The following FAM168B variants were observed in gnomAD, a reference collection of about 807,000 sequenced individuals.
FAM168B encodes the protein myelin-associated neurite-outgrowth inhibitor.
In FAM168B, 19 loss-of-function variants were observed where a neutral mutation model predicts 21.8. The observed-to-expected ratio is 0.87, with a 90% CI of 0.61 to 1.28. The LOEUF is 1.28. FAM168B is among the 50% of genes most tolerant of loss of function. The pLI, the probability that FAM168B is intolerant of heterozygous loss-of-function variation, is 0.00. For missense variants in FAM168B, 233 were observed against 263.1 expected (o/e 0.89, Z 0.79); for synonymous variants, 126 against 104.8 (o/e 1.20, Z -1.24).
chr2:131,050,862 G>C lies in FAM168B; in HGVS notation c.*1603C>G. 6 of 985,474 alleles carry C rather than the reference G, an allele frequency of 6.1e-6. No individual in the cohort carries two copies. Among genetic ancestry groups the C allele is most frequent in the Non-Finnish European group, 7.2e-6 (6 of 830,050 alleles). 61.0% of individuals were successfully genotyped at this position (985,474 alleles called of 1,614,324 possible). On this transcript the variant is annotated 3_prime_UTR_variant, in exon 7 of 7. Transcript: ENST00000389915. ...AGCACTCAAACCACCACTGCACTGG[G>C]AAGAAGACGCACGCTCCTGCCCTAG... is the stretch of plus-strand genomic sequence containing the variant.
intron 3 of FAM168B, among the ~76,000 whole-genome samples, chr2:131,069,991 C>G (rs1048130214): frequency 6.6e-6 from 1 of 151,382 alleles, no homozygotes; most frequent in African/African-American, 2.4e-5. Flanking sequence ...CCCTAGTAGC[C>G]GGGATTACCG....
At chr2:131,077,447 T>C (rs1693214683) in intron 2 of FAM168B, among the ~76,000 whole-genome samples, 1 of 151,886 alleles carries the variant, frequency 6.6e-6, no homozygotes, top group African/African-American at 2.4e-5. Context: ...TGGCCATGAG[T>C]TCGGCAAATG....
intron 2 of FAM168B, among the ~76,000 whole-genome samples, chr2:131,081,128 C>A (rs1262732446): frequency 6.6e-6 from 1 of 152,180 alleles, no homozygotes; most frequent in African/African-American, 2.4e-5. Context: ...TGTTCATATG[C>A]CATTTTGTTT....
chr2:131,071,375 T>C (rs997524598), intron 3 of FAM168B, among the ~76,000 whole-genome samples: 1 of 152,156 alleles, frequency 6.6e-6, no homozygotes, highest in Non-Finnish European at 1.5e-5. Context: ...ACCAATCTCC[T>C]CAAGATTCAG....
chr2:131,092,061 G>A (rs1265022100), intron 1 of FAM168B, among the ~76,000 whole-genome samples: 3 of 150,586 alleles, frequency 2.0e-5, no homozygotes, highest in East Asian at 2.0e-4. Flanking sequence ...AAAGACTGAC[G>A]TGAATCCGGG....
Position 131,055,664 on chromosome 2 carries a change from G to A in FAM168B, c.186C>T (p.Ser62=). ...GYTPGTPYKV[S]CSPTSGAVPP... is the part of the protein sequence containing the mutation. ...GCACAGCCCCGCTGGTGGGGGAACA[G>A]GACACTTTGTAAGGTGTGCCAGGAG... is the stretch of plus-strand genomic sequence containing the variant. Residue 62 remains serine (S), a synonymous_variant, in exon 4 of 7, where the codon TCC becomes TCT. Coordinates refer to ENST00000389915, the MANE Select transcript of FAM168B (RefSeq NM_001009993.4). 1 of 1,613,820 alleles carries A rather than the reference G, an allele frequency of 6.2e-7. No homozygotes were observed. The highest frequency in any genetic ancestry group is 1.1e-5 in the South Asian group (1 of 91,056).
intron 2 of FAM168B, among the ~76,000 whole-genome samples, chr2:131,072,412 C>A (rs1366383372): frequency 6.6e-6 from 1 of 152,090 alleles, no homozygotes; most frequent in African/African-American, 2.4e-5. Context: ...GTGTGAGCCA[C>A]CACGCCTGGC....
In FAM168B at chr2:131,048,315, T is replaced by C; in HGVS notation, c.*4150A>G. ...GATCTGGCCCAGCTGCCTTGCCCAC[T>C]GGTCTGCACAGGGACTCATGGGCAC... On this transcript the variant is annotated 3_prime_UTR_variant, in exon 7 of 7. Coordinates refer to ENST00000389915, the MANE Select transcript of FAM168B (RefSeq NM_001009993.4). The C allele has an allele frequency of 7.7e-7, 1 of 1,304,144 alleles. No individual in the cohort carries two copies. Among genetic ancestry groups the C allele is most frequent in the Non-Finnish European group, 1.0e-6 (1 of 988,904 alleles). 80.8% of individuals were successfully genotyped at this position (1,304,144 alleles called of 1,614,324 possible).
At chr2:131,067,831 A>G (rs1398521543) in intron 3 of FAM168B, among the ~76,000 whole-genome samples, 1 of 152,166 alleles carries the variant, frequency 6.6e-6, no homozygotes, top group Non-Finnish European at 1.5e-5. Flanking sequence ...TTTTATACTG[A>G]TAATTTTGGC....
At chr2:131,067,700 A>T (rs1430536168) in intron 3 of FAM168B, among the ~76,000 whole-genome samples, 1 of 152,096 alleles carries the variant, frequency 6.6e-6, no homozygotes, top group Non-Finnish European at 1.5e-5. Context: ...CAGCCTAGGC[A>T]ACAAAGTGAG....
intron 3 of FAM168B, among the ~76,000 whole-genome samples, chr2:131,066,098 C>A (rs1692542796): frequency 1.3e-5 from 2 of 152,080 alleles, no homozygotes; most frequent in Admixed American, 1.3e-4. Flanking sequence ...CTCCACCCAG[C>A]CATACACACC....
At chr2:131,061,260 C>A (rs1423047322) in intron 3 of FAM168B, among the ~76,000 whole-genome samples, 7 of 145,452 alleles carry the variant, frequency 4.8e-5, no homozygotes, top group Admixed American at 4.7e-4. Flanking sequence ...TTGAGACGAG[C>A]CTAGCCAAGC....
At chr2:131,060,858 T>C (rs1336813998) in intron 3 of FAM168B, among the ~76,000 whole-genome samples, 2 of 147,310 alleles carry the variant, frequency 1.4e-5, no homozygotes, top group African/African-American at 2.5e-5. Context: ...GTATACGTAA[T>C]TTTTTTTTTT....
chr2:131,077,638 G>A (rs1693226050), intron 2 of FAM168B, among the ~76,000 whole-genome samples: 1 of 152,240 alleles, frequency 6.6e-6, no homozygotes, highest in South Asian at 2.1e-4. Context: ...TCAATTCTCA[G>A]CATGGGCAAG....
intron 3 of FAM168B, among the ~76,000 whole-genome samples, chr2:131,067,723 T>TCACACA (rs141270322): frequency 2.0e-5 from 3 of 149,538 alleles, no homozygotes; most frequent in East Asian, 2.0e-4. Context: ...CCTATCACAC[T>TCACACA]CACACACACA....
intron 2 of FAM168B, among the ~76,000 whole-genome samples, chr2:131,076,096 A>T (rs1573798689): frequency 1.3e-5 from 2 of 151,684 alleles, no homozygotes; most frequent in African/African-American, 4.8e-5. Flanking sequence ...CTTTGGGAGG[A>T]CCCCCAACAC....
At chr2:131,071,071 G>A (rs1012013476) in intron 3 of FAM168B, among the ~76,000 whole-genome samples, 4 of 152,246 alleles carry the variant, frequency 2.6e-5, no homozygotes, top group Non-Finnish European at 5.9e-5. Context: ...GAAACGAAGA[G>A]ATGGATGTAA....
At chr2:131,066,894 G>C (rs1044422828) in intron 3 of FAM168B, among the ~76,000 whole-genome samples, 10 of 152,164 alleles carry the variant, frequency 6.6e-5, no homozygotes, top group African/African-American at 2.4e-4. Flanking sequence ...ACCCGAGACT[G>C]GGTAATTTAT....
At chr2:131,053,990 G>A (rs935942899) in intron 5 of FAM168B, among the ~76,000 whole-genome samples, 2 of 152,186 alleles carry the variant, frequency 1.3e-5, no homozygotes, top group African/African-American at 4.8e-5. Flanking sequence ...GATCACCTGA[G>A]GTCAGGAGTT....
Sources: allele counts gnomAD v4.1 joint callset (sites outside exome capture counted in the v4.1 genomes callset), GRCh38; gene constraint gnomAD v4.1.1; transcripts MANE v1.5; gene names NCBI Gene and HGNC (gene_info 2026-07-23, HGNC 2026-07-21).